PAPPA: variants seen among roughly 807,000 people sequenced by gnomAD.
PAPPA encodes the protein pappalysin 1, also known as pappalysin-1.
A neutral mutation model predicts 164.0 loss-of-function variants in PAPPA; 60 were observed. The ratio of observed to expected loss-of-function variants is 0.37; its 90% CI spans 0.30 to 0.45. The LOEUF is 0.45. Among genes scored for constraint, PAPPA ranks in the 20% least tolerant of loss-of-function variants. The pLI, the probability that PAPPA is intolerant of heterozygous loss-of-function variation, is 1.00. For synonymous variants in PAPPA, 875 were observed against 814.1 expected (o/e 1.07, Z -1.27); for missense variants, 1,782 against 2,087.3 (o/e 0.85, Z 2.85).
chr9:116,312,944 G>A (rs576508547), intron 10 of PAPPA, among the ~76,000 whole-genome samples: 45 of 151,954 alleles, frequency 3.0e-4, no homozygotes, highest in Non-Finnish European at 5.1e-4. Context: ...TTAGCTGGGC[G>A]TGGTGGTGGG....
At chr9:116,324,673 T>C (rs1401575794) in intron 10 of PAPPA, among the ~76,000 whole-genome samples, 1 of 152,186 alleles carries the variant, frequency 6.6e-6, no homozygotes, top group Non-Finnish European at 1.5e-5. Flanking sequence ...GTAAAGGCTT[T>C]CAGAGGAGGG....
At chr9:116,200,009 C>A (rs1844153623) in intron 2 of PAPPA, among the ~76,000 whole-genome samples, 1 of 152,150 alleles carries the variant, frequency 6.6e-6, no homozygotes, top group Non-Finnish European at 1.5e-5. Context: ...CCCCATGACA[C>A]AAACACCTTC....
chr9:116,386,536 A>G (rs7854522), intron 21 of PAPPA, among the ~76,000 whole-genome samples: 60,778 of 152,062 alleles, frequency 0.4, 12,555 homozygotes, highest in Middle Eastern at 0.47. Flanking sequence ...GTCTGGGCTT[A>G]GAGTACATAT....
At position 116,371,372 on chromosome 9, in the gene PAPPA, G is replaced by A. The variant is rs1236525266; in HGVS notation, c.4605+3618G>A. 2.6e-5 allele frequency among the ~76,000 whole-genome samples: 4 copies of A among 152,168 alleles called. No individual in the cohort carries two copies. In the East Asian group the frequency reaches 7.7e-4, roughly 29 times the overall value. ...GCGGAGGTTGCAGTGAGCTGAGATT[G>A]TGCCACTGCATTCCAGCCTAGGCAA... On this transcript the variant is annotated intron_variant, in intron 19 of 21. Coordinates refer to ENST00000328252, the MANE Select transcript of PAPPA (RefSeq NM_002581.5).
At chr9:116,390,857 T>C (rs1846882244) in intron 21 of PAPPA, among the ~76,000 whole-genome samples, 1 of 152,162 alleles carries the variant, frequency 6.6e-6, no homozygotes, top group Non-Finnish European at 1.5e-5. Context: ...ATTACCTCAC[T>C]GTCAAAACCA....
At chr9:116,290,152 A>T (rs534299290) in intron 9 of PAPPA, among the ~76,000 whole-genome samples, 1 of 151,940 alleles carries the variant, frequency 6.6e-6, no homozygotes, top group Admixed American at 6.6e-5. Context: ...TAATGCTGTC[A>T]TTTTTTTTAA....
At chr9:116,387,784 T>G in intron 21 of PAPPA, among the ~76,000 whole-genome samples, 1 of 152,216 alleles carries the variant, frequency 6.6e-6, no homozygotes, top group Non-Finnish European at 1.5e-5. Context: ...ACCAAGAGAA[T>G]TCAAGCTGCA....
Position 116,396,751 on chromosome 9 carries a change from A to G in PAPPA, c.*135A>G. 1.6e-6 allele frequency: 1 copy of G among 618,432 alleles called. No individual in the cohort carries two copies. The highest frequency in any genetic ancestry group is 2.9e-6 in the Non-Finnish European group (1 of 341,810). 38.3% of individuals were successfully genotyped at this position (618,432 alleles called of 1,614,324 possible). A position where few individuals can be genotyped will look rare whatever the true frequency, so the allele number is the denominator to read the frequency against. ...TTAGCACCCAACCGGTCTGCCTTTA[A>G]TTTTACCCAGGAAGGACTCACATTG... On this transcript the variant is annotated 3_prime_UTR_variant, in exon 22 of 22. Coordinates refer to ENST00000328252, the MANE Select transcript of PAPPA (RefSeq NM_002581.5).
chr9:116,335,334 C>T (rs1408449790), intron 13 of PAPPA, among the ~76,000 whole-genome samples: 1 of 152,074 alleles, frequency 6.6e-6, no homozygotes, highest in Non-Finnish European at 1.5e-5. Flanking sequence ...CAATAGCTTG[C>T]AGGTTGACCC....
chr9:116,362,272 A>G (rs982917769), intron 17 of PAPPA, among the ~76,000 whole-genome samples: 7 of 151,982 alleles, frequency 4.6e-5, no homozygotes, highest in Middle Eastern at 3.4e-3. Flanking sequence ...AAAAACTCCC[A>G]CACACAAATC....
At chr9:116,176,737 A>G (rs1220868530) in intron 1 of PAPPA, among the ~76,000 whole-genome samples, 5 of 152,320 alleles carry the variant, frequency 3.3e-5, no homozygotes, top group Non-Finnish European at 1.5e-5. Context: ...AAGTGCCACC[A>G]TTATGCTAGG....
chr9:116,254,748 C>G (rs1176740567), intron 7 of PAPPA, among the ~76,000 whole-genome samples: 5 of 142,542 alleles, frequency 3.5e-5, no homozygotes, highest in African/African-American at 2.6e-5. Flanking sequence ...CACCACTGCA[C>G]TCCAGCCTGG....
chr9:116,325,760 G>A (rs1411827778), intron 10 of PAPPA, among the ~76,000 whole-genome samples: 1 of 152,120 alleles, frequency 6.6e-6, no homozygotes, highest in Non-Finnish European at 1.5e-5. Context: ...TGGGGGAAGA[G>A]ATATAAATGT....
At chr9:116,343,108 T>C (rs1315141970) in intron 13 of PAPPA, among the ~76,000 whole-genome samples, 7 of 152,192 alleles carry the variant, frequency 4.6e-5, no homozygotes, top group Admixed American at 4.6e-4. Context: ...AGTAACCTAA[T>C]CTTGCCAGTC....
chr9:116,357,955 C>T (rs993500596), intron 17 of PAPPA, among the ~76,000 whole-genome samples: 1 of 152,158 alleles, frequency 6.6e-6, no homozygotes, highest in Non-Finnish European at 1.5e-5. Context: ...GCTGTGAAAG[C>T]CTTTCTGCCA....
rs755098653 is a variant in PAPPA, at chr9:116,235,334, G to A, written c.2429G>A (p.Ser810Asn). Residue 810 changes from serine to asparagine, a missense_variant, in exon 7 of 22, where the codon AGT becomes AAT. Coordinates refer to ENST00000328252, the MANE Select transcript of PAPPA (RefSeq NM_002581.5). ...TTTGTCTCCACTGACTGGGACTCTAGTGGAGCTGTCAATGACATCAAACTG... is the reference window on the plus strand; with the variant it reads ...TTTGTCTCCACTGACTGGGACTCTAATGGAGCTGTCAATGACATCAAACTG... ...VTFVSTDWDS[S>N]GAVNDIKLLA... 3 of 1,614,052 alleles carry A rather than the reference G, an allele frequency of 1.9e-6. No homozygotes were observed. The highest frequency in any genetic ancestry group is 2.5e-6 in the Non-Finnish European group (3 of 1,179,976).
intron 7 of PAPPA, among the ~76,000 whole-genome samples, chr9:116,250,774 C>T (rs1419735609): frequency 1.3e-5 from 2 of 152,212 alleles, no homozygotes; most frequent in African/African-American, 4.8e-5. Flanking sequence ...TTCAGAGTCA[C>T]ACAGCCATTC....
chr9:116,401,131 C>T lies in PAPPA; in HGVS notation c.*4515C>T, dbSNP rs1847047056. ...AAAGCCGGAGCTCCTGAATTGTAGTCCACCTTAAAAGAGAGACCTGTATTG... is the reference window on the plus strand; with the variant it reads ...AAAGCCGGAGCTCCTGAATTGTAGTTCACCTTAAAAGAGAGACCTGTATTG... On this transcript the variant is annotated 3_prime_UTR_variant, in exon 22 of 22. Coordinates refer to ENST00000328252, the MANE Select transcript of PAPPA (RefSeq NM_002581.5). The T allele has an allele frequency of 6.6e-6, 1 of 152,576 alleles. No individual in the cohort carries two copies. Among genetic ancestry groups the T allele is most frequent in the South Asian group, 2.1e-4 (1 of 4,828 alleles). 9.5% of individuals were successfully genotyped at this position (152,576 alleles called of 1,614,324 possible).
chr9:116,333,645 G>A (rs962196857), intron 12 of PAPPA, among the ~76,000 whole-genome samples: 1 of 152,162 alleles, frequency 6.6e-6, no homozygotes, highest in African/African-American at 2.4e-5. Flanking sequence ...AAAGGCAAGG[G>A]GAACCTATGA....
Sources: allele counts gnomAD v4.1 joint callset (sites outside exome capture counted in the v4.1 genomes callset), GRCh38; gene constraint gnomAD v4.1.1; transcripts MANE v1.5; gene names NCBI Gene and HGNC (gene_info 2026-07-23, HGNC 2026-07-21).